The following CYB5R2 variants were observed in gnomAD, a reference collection of about 807,000 sequenced individuals.
CYB5R2 encodes cytochrome b5 reductase 2, also known as NADH-cytochrome b5 reductase 2.
In CYB5R2, 35 loss-of-function variants were observed where a neutral mutation model predicts 29.8. The observed-to-expected ratio is 1.17, with a 90% CI of 0.90 to 1.56. The LOEUF is 1.56. Ranked by LOEUF, CYB5R2 falls within the 40% of genes most tolerant of loss-of-function variation. CYB5R2 has a pLI of 0.00. For missense variants in CYB5R2, 419 were observed against 346.7 expected, an observed-to-expected ratio of 1.21 and a Z score of -1.66; for synonymous variants, 169 against 130.6, an observed-to-expected ratio of 1.29 and a Z score of -2.01.
At chr11:7,667,641 G>A in intron 7 of CYB5R2, 87 bp downstream of exon 7, 1 of 1,242,174 alleles carries the variant, frequency 8.1e-7, no homozygotes, top group Non-Finnish European at 1.2e-6. Flanking sequence ...CAAGCAGCAT[G>A]AGCTCAGTCA....
At chr11:7,672,235 G>A (rs1855788792) in intron 3 of CYB5R2, 1 of 550,730 alleles carries the variant, frequency 1.8e-6, no homozygotes, top group Non-Finnish European at 3.2e-6. Context: ...TGCTCACTGA[G>A]GTACCACTCT....
In CYB5R2 at chr11:7,665,420, T is replaced by A. The variant is rs750473231; in HGVS notation, c.785A>T (p.Asn262Ile). The stretch of plus-strand genomic sequence containing the variant: ...CTGGGTATAACCCAGCTTCTCCAGG[T>A]TAGGGTGAGCCGCCGTCTGGATTAG... ...PPLIQTAAHP[N>I]LEKLGYTQDM... The change falls in exon 9 of 9, where the codon AAC becomes ATC. Residue 262 changes from asparagine to isoleucine, a missense_variant. Asn to Ile is a moderately radical substitution (Grantham distance 149, BLOSUM62 -3). Coordinates refer to ENST00000299498, the MANE Select transcript of CYB5R2 (RefSeq NM_016229.5). 6.2e-7 allele frequency: 1 copy of A among 1,610,484 alleles called. No homozygotes were observed. The highest frequency in any genetic ancestry group is 8.5e-7 in the Non-Finnish European group (1 of 1,178,612).
intron 7 of CYB5R2, 87 bp from the exon 8 acceptor site, chr11:7,666,637 C>A: frequency 2.3e-6 from 2 of 851,598 alleles, no homozygotes; most frequent in Non-Finnish European, 3.7e-6. Flanking sequence ...TACTCCTGGC[C>A]AAAGCTGCCA....
intron 8 of CYB5R2, 61 bp from the exon 9 acceptor site, chr11:7,665,607 G>A (rs920186628): frequency 9.9e-6 from 15 of 1,514,178 alleles, no homozygotes; most frequent in South Asian, 1.3e-5. Flanking sequence ...CTGATCCCAG[G>A]CCGCCTGCAC....
At chr11:7,670,066 A>C in intron 3 of CYB5R2, 1 of 261,222 alleles carries the variant, frequency 3.8e-6, no homozygotes. Flanking sequence ...GAGTATTAAA[A>C]ATTACAGAAA....
At chr11:7,668,388 T>C (rs1590871751) in intron 6 of CYB5R2, 90 bp downstream of exon 6, 1 of 1,022,682 alleles carries the variant, frequency 9.8e-7, no homozygotes, top group East Asian at 2.4e-5. Flanking sequence ...GCGAAATCTC[T>C]CATGTTGTCC....
Position 7,666,532 on chromosome 11 carries a change from C to G in CYB5R2, c.577G>C (p.Val193Leu). 2 of 1,613,240 alleles carry G rather than the reference C, an allele frequency of 1.2e-6. No individual in the cohort carries two copies. Among genetic ancestry groups the G allele is most frequent in the Non-Finnish European group, 1.7e-6 (2 of 1,179,284 alleles). Residue 193 changes from valine to leucine, a missense_variant, in exon 8 of 9, where the codon GTC becomes CTC. Val to Leu is a conservative substitution (Grantham distance 32). Transcript: ENST00000299498. ...FANQTEEDIL[V>L]RKELEEIART... ...GCAATTTCTTCAAGCTCTTTTCTGA[C>G]CAAGATATCCTCCTCTGTCTAGAAA... is the stretch of plus-strand genomic sequence containing the variant.
chr11:7,669,560 TCCACCCCA>T (rs1377175527), intron 4 of CYB5R2, 57 bp downstream of exon 4: 5 of 1,368,152 alleles, frequency 3.7e-6, no homozygotes, highest in Non-Finnish European at 5.0e-6. Context: ...GCACTGCCCC[TCCACCCCA>T]CCACCCTCAG....
intron 3 of CYB5R2, chr11:7,671,835 ACT>A (rs1470469442): frequency 2.0e-5 from 3 of 152,316 alleles, no homozygotes; most frequent in Non-Finnish European, 4.4e-5. Flanking sequence ...AAATGGGATA[ACT>A]CAACTCTAGG....
rs751798849 is a variant in CYB5R2, at chr11:7,665,377, G to GT, written c.827dup (p.Tyr276Ter). 23 of 1,562,734 alleles carry GT rather than the reference G, an allele frequency of 1.5e-5. No individual in the cohort carries two copies. Among genetic ancestry groups the GT allele is most frequent in the Non-Finnish European group, 2.0e-5 (23 of 1,155,626 alleles). The change falls in exon 9 of 9, where the codon TAC (tyrosine) becomes TAAC (stop). Residue 276 changes from tyrosine to a stop codon, truncating the protein, a stop_gained and frameshift_variant. Coordinates refer to ENST00000299498, the MANE Select transcript of CYB5R2 (RefSeq NM_016229.5). LOFTEE classifies it high-confidence loss of function. ...LGYTQDMIFT[Y>*] The stretch of plus-strand genomic sequence containing the variant: ...AATTGCTGAGCACGTGGAGGTGTTA[G>GT]TAGGTGAAAATCATGTCCTGGGTAT...
chr11:7,669,303 G>C lies in CYB5R2; in HGVS notation c.290C>G (p.Pro97Arg). Reference protein sequence around the residue: ...IYFKNVHPQYPEGGKMTQYLE... With the variant: ...IYFKNVHPQYREGGKMTQYLE... ...ATACTGAGTCATCTTCCCACCTTCA[G>C]GATATTGGGGGTGTACATTTTTGAA... Residue 97 changes from proline (P) to arginine (R), a missense_variant, in exon 5 of 9, where the codon CCT (proline) becomes CGT (arginine). Transcript: ENST00000299498. 6.2e-7 allele frequency: 1 copy of C among 1,613,526 alleles called. No homozygotes were observed. The highest frequency in any genetic ancestry group is 8.5e-7 in the Non-Finnish European group (1 of 1,179,686).
rs772968293 is a variant in CYB5R2 at position 7,672,847 on chromosome 11, C to G, written c.-22G>C. 18 of 1,613,986 alleles carry G rather than the reference C, an allele frequency of 1.1e-5. No homozygotes were observed. In the Admixed American group the frequency reaches 3.0e-4, roughly 27 times the overall value. On this transcript the variant is annotated 5_prime_UTR_variant, in exon 2 of 9. Coordinates refer to ENST00000299498, the MANE Select transcript of CYB5R2 (RefSeq NM_016229.5). ...TCATGCTCTTCAGGACCAACACGAG[C>G]ACAGTGACCCCAGTGACGGTGATGG...
intron 7 of CYB5R2, chr11:7,667,478 A>G (rs1447473152): frequency 1.1e-5 from 4 of 378,186 alleles, no homozygotes; most frequent in Non-Finnish European, 1.9e-5. Flanking sequence ...ATACAGCAGT[A>G]CATCTTAAGG....
chr11:7,666,667 C>A, intron 7 of CYB5R2, 117 bp from the exon 8 acceptor site: 1 of 635,014 alleles, frequency 1.6e-6, no homozygotes, highest in Non-Finnish European at 2.8e-6. Context: ...CTGGAGTGCT[C>A]GCTGCCAACT....
At position 7,665,531 on chromosome 11, in the gene CYB5R2, G is replaced by C. The variant is rs765950810; in HGVS notation, c.674C>G (p.Ser225Ter). Residue 225 changes from serine to a stop codon, truncating the protein, a stop_gained, in exon 9 of 9, where the codon TCA (serine) becomes TGA (stop). Coordinates refer to ENST00000299498, the MANE Select transcript of CYB5R2 (RefSeq NM_016229.5). LOFTEE classifies it high-confidence loss of function. Reference sequence around the variant, plus strand: ...GATCATGTCGGCAGTAACGAAGCCTGAGCTGTACTTCCAGCCTGAAATGAA... The same window carrying C: ...GATCATGTCGGCAGTAACGAAGCCTCAGCTGTACTTCCAGCCTGAAATGAA... ...DRPPIGWKYS[S>*]GFVTADMIKE... 6.2e-7 allele frequency: 1 copy of C among 1,607,680 alleles called. No individual in the cohort carries two copies. The highest frequency in any genetic ancestry group is 8.5e-7 in the Non-Finnish European group (1 of 1,177,564).
At chr11:7,665,793 C>T (rs960730555) in intron 8 of CYB5R2, 2 of 1,488,470 alleles carry the variant, frequency 1.3e-6, no homozygotes, top group Non-Finnish European at 1.8e-6. Flanking sequence ...CAGCTGTCAG[C>T]ATTGACGAGG....
intron 8 of CYB5R2, chr11:7,665,933 C>T: frequency 1.3e-6 from 2 of 1,535,830 alleles, no homozygotes; most frequent in Non-Finnish European, 8.7e-7. Flanking sequence ...CTCTGCCGAC[C>T]AGGGACCTGT....
intron 5 of CYB5R2, 44 bp downstream of exon 5, chr11:7,669,161 A>C: frequency 6.2e-7 from 1 of 1,613,024 alleles, no homozygotes. Flanking sequence ...CATTGCAGGA[A>C]TCTTCCTCCC....
At chr11:7,673,015 G>T in intron 1 of CYB5R2, 124 bp from the exon 2 acceptor site, 2 of 948,136 alleles carry the variant, frequency 2.1e-6, no homozygotes, top group Non-Finnish European at 1.6e-6. Flanking sequence ...GCAGGAAATA[G>T]GCAAAGAGAA....
Sources: allele counts gnomAD v4.1 joint callset, GRCh38; gene constraint gnomAD v4.1.1; transcripts MANE v1.5; gene names NCBI Gene and HGNC (gene_info 2026-07-23, HGNC 2026-07-21).